Variants in PGBD5 observed in about 807,000 individuals in gnomAD.
PGBD5 encodes piggyBac transposable element derived 5.
Under a neutral mutation model 47.9 loss-of-function variants are expected in PGBD5, and 14 were observed. The observed-to-expected ratio is 0.29, with a 90% CI of 0.19 to 0.46. PGBD5 has a LOEUF of 0.46. Among genes scored for constraint, PGBD5 ranks in the 20% least tolerant of loss-of-function variants. PGBD5 has a pLI of 1.00. For synonymous variants in PGBD5, 316 were observed against 306.3 expected, an observed-to-expected ratio of 1.03 and a Z score of -0.33; for missense variants, 635 against 716.0, an observed-to-expected ratio of 0.89 and a Z score of 1.29.
At chr1:230,390,893 C>A (rs574445453) in intron 1 of PGBD5, among the ~76,000 whole-genome samples, 1 of 152,266 alleles carries the variant, frequency 6.6e-6, no homozygotes, top group South Asian at 2.1e-4. Context: ...GAACGCACCA[C>A]CACAGCCAGC....
At chr1:230,397,637 T>C (rs1000251420) in intron 1 of PGBD5, among the ~76,000 whole-genome samples, 4 of 152,190 alleles carry the variant, frequency 2.6e-5, no homozygotes. Context: ...TCTGGGATAT[T>C]TTTCCCCAAA....
rs1188559021 is a variant in PGBD5 at position 230,426,045 on chromosome 1, C to T, written c.-117G>A. The T allele has an allele frequency of 4.8e-6, 2 of 417,206 alleles. No homozygotes were observed. The highest frequency in any genetic ancestry group is 4.4e-5 in the African/African-American group (2 of 45,878). 25.8% of individuals were successfully genotyped at this position (417,206 alleles called of 1,614,324 possible). On this transcript the variant is annotated 5_prime_UTR_variant, in exon 1 of 7. Coordinates refer to ENST00000391860, the MANE Select transcript of PGBD5 (RefSeq NM_001258311.2). ...ACCAGCGCAGCCCGCAGCACAGCGC[C>T]CGCCGCCCCGTGCCCGGCCGGCCCG...
chr1:230,376,016 C>T (rs1253304256), intron 1 of PGBD5, among the ~76,000 whole-genome samples: 1 of 151,884 alleles, frequency 6.6e-6, no homozygotes, highest in African/African-American at 2.4e-5. Flanking sequence ...TGGGAAACAG[C>T]AGCTATTCCT....
Position 230,333,040 on chromosome 1 carries a change from C to A in PGBD5, c.1077G>T (p.Gly359=). The A allele has an allele frequency of 1.9e-6, 3 of 1,591,238 alleles. No homozygotes were observed. The highest frequency in any genetic ancestry group is 2.6e-6 in the Non-Finnish European group (3 of 1,169,220). The change falls in exon 5 of 7, where the codon GGG becomes GGT. Residue 359 remains glycine, a splice_region_variant and synonymous_variant. Coordinates refer to ENST00000391860, the MANE Select transcript of PGBD5 (RefSeq NM_001258311.2). ...LTLFEEFEKQ[G]IYCCGLLRAR... ...CGCGGAGCAAGCCGCAGCAGTAAAT[C>A]CCTGAGGGGAGAGGGAGGAAGGATC...
intron 3 of PGBD5, among the ~76,000 whole-genome samples, chr1:230,345,115 G>A (rs777260669): frequency 6.6e-6 from 1 of 152,162 alleles, no homozygotes; most frequent in Admixed American, 6.5e-5. Context: ...AAAAATTAGT[G>A]GACCTTTTTT....
intron 4 of PGBD5, among the ~76,000 whole-genome samples, chr1:230,335,694 C>G (rs369783363): frequency 6.3e-5 from 1 of 15,872 alleles, no homozygotes; most frequent in African/African-American, 2.6e-4. Flanking sequence ...CACACAGACA[C>G]ATACACATAC....
intron 1 of PGBD5, among the ~76,000 whole-genome samples, chr1:230,388,846 G>A (rs1458628124): frequency 1.3e-5 from 2 of 152,202 alleles, no homozygotes. Flanking sequence ...AGCAGCAAAG[G>A]AGCTGCTAGC....
chr1:230,378,160 A>T (rs530169448), intron 1 of PGBD5, among the ~76,000 whole-genome samples: 7 of 152,304 alleles, frequency 4.6e-5, no homozygotes, highest in Admixed American at 2.0e-4. Context: ...GGTGATGAGG[A>T]TTTTAAGCTA....
intron 1 of PGBD5, among the ~76,000 whole-genome samples, chr1:230,380,535 C>T (rs1656435931): frequency 6.6e-6 from 1 of 152,220 alleles, no homozygotes; most frequent in Admixed American, 6.5e-5. Flanking sequence ...TCCCGGCTCT[C>T]CAAGTGGACA....
intron 2 of PGBD5, among the ~76,000 whole-genome samples, chr1:230,354,174 A>C (rs1035632688): frequency 1.3e-5 from 2 of 150,738 alleles, no homozygotes; most frequent in Non-Finnish European, 3.0e-5. Context: ...TGTGGTTATG[A>C]CTTCATCTCC....
intron 1 of PGBD5, among the ~76,000 whole-genome samples, chr1:230,389,059 G>A (rs1041783976): frequency 3.3e-5 from 5 of 152,236 alleles, no homozygotes; most frequent in Admixed American, 3.3e-4. Context: ...GCTGCAAGGA[G>A]ACAAGGTATG....
Position 230,425,601 on chromosome 1 carries a change from C to T in PGBD5, c.328G>A (p.Gly110Ser). 8.2e-7 allele frequency: 1 copy of T among 1,219,434 alleles called. No homozygotes were observed. The highest frequency in any genetic ancestry group is 1.0e-6 in the Non-Finnish European group (1 of 980,080). The allele number at this position is 1,219,434 out of a possible 1,614,324, so 75.5% of individuals were successfully genotyped here. A position where few individuals can be genotyped will look rare whatever the true frequency, so the allele number is the denominator to read the frequency against. Residue 110 changes from glycine (G) to serine (S), a missense_variant, in exon 1 of 7, where the codon GGC becomes AGC. Physicochemically the swap from Gly to Ser is moderately conservative, Grantham distance 56. Coordinates refer to ENST00000391860, the MANE Select transcript of PGBD5 (RefSeq NM_001258311.2). The surrounding 1 kb of genome is among the most constrained non-coding windows in gnomAD (Gnocchi z 4.7). ...DRPPPRFEDT[G>S]GPTRKMPPSA... Reference sequence around the variant, plus strand: ...CCACCCGCGGGCAGCCCCTTACCGCCGGTATCCTCGAAGCGCGGGGGCGGG... The same window carrying T: ...CCACCCGCGGGCAGCCCCTTACCGCTGGTATCCTCGAAGCGCGGGGGCGGG...
chr1:230,361,628 G>A (rs1667743449), intron 1 of PGBD5, among the ~76,000 whole-genome samples: 1 of 152,210 alleles, frequency 6.6e-6, no homozygotes, highest in African/African-American at 2.4e-5. Context: ...CTTCTCAGCA[G>A]TGACTAGAAA....
At chr1:230,337,900 A>G (rs927633195) in intron 3 of PGBD5, among the ~76,000 whole-genome samples, 1 of 152,190 alleles carries the variant, frequency 6.6e-6, no homozygotes, top group South Asian at 2.1e-4. Flanking sequence ...GAACATCACC[A>G]AAGGGGTAGA....
intron 4 of PGBD5, among the ~76,000 whole-genome samples, chr1:230,335,826 G>GAC (rs1667312095): frequency 1.0e-4 from 10 of 97,874 alleles, no homozygotes; most frequent in African/African-American, 4.0e-4. Flanking sequence ...CACTGACACA[G>GAC]ACATACACAT....
At chr1:230,362,633 G>A (rs1667765913) in intron 1 of PGBD5, among the ~76,000 whole-genome samples, 2 of 152,104 alleles carry the variant, frequency 1.3e-5, no homozygotes. Context: ...CTCGTTTTTG[G>A]TCTGCTTGTG....
chr1:230,376,400 T>C (rs1668015943), intron 1 of PGBD5, among the ~76,000 whole-genome samples: 5 of 151,384 alleles, frequency 3.3e-5, no homozygotes. Context: ...AGTAGAATTA[T>C]CATCCAACAC....
At chr1:230,324,408 C>T (rs1308521117) in intron 6 of PGBD5, among the ~76,000 whole-genome samples, 3 of 152,314 alleles carry the variant, frequency 2.0e-5, no homozygotes, top group African/African-American at 7.2e-5. Flanking sequence ...TTTGTAACAA[C>T]CTCATGGAAT....
chr1:230,413,614 A>T lies in PGBD5; in HGVS notation c.331+11984T>A, dbSNP rs528752270. ...TGGAGATTTTTTAAATCATTAAAAA[A>T]ATATACTGCATGAAACTTCATGTCA... is the stretch of plus-strand genomic sequence containing the variant. On this transcript the variant is annotated intron_variant, in intron 1 of 6. Coordinates refer to ENST00000391860, the MANE Select transcript of PGBD5 (RefSeq NM_001258311.2). Among the ~76,000 whole-genome samples the T allele has an allele frequency of 4.6e-5, 7 of 152,310 alleles. No homozygotes were observed. The South Asian group carries it at 1.2e-3, about 27-fold the overall frequency.
Sources: gnomAD v4.1 joint callset for allele counts (sites outside exome capture counted in the v4.1 genomes callset) on GRCh38, gnomAD v4.1.1 for gene constraint, Gnocchi (gnomAD v3.1) non-coding constraint, MANE v1.5 for transcripts, NCBI Gene and HGNC (gene_info 2026-07-23, HGNC 2026-07-21) for gene names.